Variants in WIPF1 observed in about 807,000 individuals in gnomAD.
WIPF1 encodes the protein WAS/WASL interacting protein family member 1.
Under a neutral mutation model 35.4 loss-of-function variants are expected in WIPF1, and 13 were observed. That is an observed-to-expected ratio of 0.37 (90% CI 0.24 to 0.58). WIPF1 has a LOEUF of 0.58. Among genes scored for constraint, WIPF1 ranks in the 20% least tolerant of loss-of-function variants. WIPF1 has a pLI of 0.74. For missense variants in WIPF1, 591 were observed against 667.0 expected, an observed-to-expected ratio of 0.89 and a Z score of 1.25; for synonymous variants, 267 against 266.3, an observed-to-expected ratio of 1.00 and a Z score of -0.02.
At position 174,614,127 on chromosome 2, in the gene WIPF1, G is replaced by A. The variant is rs554724095; in HGVS notation, c.-38-28516C>T. Among the ~76,000 whole-genome samples the A allele has an allele frequency of 3.3e-5, 5 of 152,260 alleles. No individual in the cohort carries two copies. In the South Asian group the frequency reaches 1.0e-3, roughly 32 times the overall value. On this transcript the variant is annotated intron_variant, in intron 1 of 8. Transcript: ENST00000272746. ...GCCCTACAAATTTCCTAAAAACACA[G>A]TTGCTCCTAAAAGTTAAGAAACGGG...
chr2:174,663,615 C>T (rs966493737), intron 1 of WIPF1, among the ~76,000 whole-genome samples: 7 of 152,162 alleles, frequency 4.6e-5, no homozygotes, highest in African/African-American at 9.7e-5. Flanking sequence ...CCCACTGGCA[C>T]GCCCCTGCCA....
intron 1 of WIPF1, among the ~76,000 whole-genome samples, chr2:174,611,309 A>T (rs556690339): frequency 6.6e-6 from 1 of 152,322 alleles, no homozygotes; most frequent in Middle Eastern, 3.4e-3. Context: ...TGCAAATGGA[A>T]AGGGCTCCAA....
chr2:174,569,083 G>A (rs1684754161), intron 5 of WIPF1, among the ~76,000 whole-genome samples: 2 of 152,114 alleles, frequency 1.3e-5, no homozygotes, highest in African/African-American at 4.8e-5. Flanking sequence ...TAGTAATTAT[G>A]CCTGCTCTTC....
rs753277453 is a variant in WIPF1, at chr2:174,575,286, A to G, written c.276T>C (p.Phe92=). The G allele has an allele frequency of 1.2e-6, 2 of 1,613,880 alleles. No homozygotes were observed. Among genetic ancestry groups the G allele is most frequent in the Admixed American group, 1.7e-5 (1 of 60,012 alleles). Residue 92 remains phenylalanine (F), a synonymous_variant, in exon 4 of 8, where the codon TTT becomes TTC. Coordinates refer to ENST00000679041, the MANE Select transcript of WIPF1 (RefSeq NM_001375834.1). ...GGGGGGGGGS[F]GGGGPPGLGG... is the part of the protein sequence containing the mutation. ...CCAGACCTGGAGGTCCGCCCCCTCCAAAACTTCCACCGCCTCCGCCACCAC... is the reference window on the plus strand; with the variant it reads ...CCAGACCTGGAGGTCCGCCCCCTCCGAAACTTCCACCGCCTCCGCCACCAC...
chr2:174,631,365 GA>G lies in WIPF1; in HGVS notation c.-38-45755del, dbSNP rs141375807. Among the ~76,000 whole-genome samples the G allele has an allele frequency of 7.6e-3, 1,161 of 152,252 alleles. 24 individuals carry two copies. Among genetic ancestry groups the G allele is most frequent in the African/African-American group, 0.027 (1,113 of 41,552 alleles). On this transcript the variant is annotated intron_variant, in intron 1 of 8. Transcript: ENST00000272746. ...CGCTAAGTGAAATAAAGCAGAAACAGAACGACAAATATTATATAATTCTACT... is the reference window on the plus strand; with the variant it reads ...CGCTAAGTGAAATAAAGCAGAAACAGACGACAAATATTATATAATTCTACT...
intron 1 of WIPF1, among the ~76,000 whole-genome samples, chr2:174,668,420 G>A (rs928885836): frequency 3.3e-5 from 5 of 152,154 alleles, no homozygotes; most frequent in African/African-American, 1.2e-4. Context: ...AAAAAAGGGT[G>A]TGCATTTTTC....
At position 174,560,663 on chromosome 2, in the gene WIPF1, G is replaced by A. The variant is rs1356100538; in HGVS notation, c.*1884C>T. On this transcript the variant is annotated 3_prime_UTR_variant, in exon 8 of 8. Transcript: ENST00000679041. ...CTTTGAGTAAAAAGCCCAAATGACT[G>A]TATGGAAGAGAGATGAATGGTAGAG... is the stretch of plus-strand genomic sequence containing the variant. The A allele has an allele frequency of 6.6e-6, 1 of 152,592 alleles. No homozygotes were observed. Among genetic ancestry groups the A allele is most frequent in the African/African-American group, 2.4e-5 (1 of 41,426 alleles). 9.5% of individuals were successfully genotyped at this position (152,592 alleles called of 1,614,324 possible). A position where few individuals can be genotyped will look rare whatever the true frequency, so the allele number is the denominator to read the frequency against.
chr2:174,575,613 C>A (rs896329658), intron 3 of WIPF1, among the ~76,000 whole-genome samples: 3 of 152,244 alleles, frequency 2.0e-5, no homozygotes, highest in Admixed American at 6.5e-5. Context: ...TTTGTCCCCA[C>A]ACTCCCCACT....
chr2:174,660,525 G>A (rs899200674), intron 1 of WIPF1, among the ~76,000 whole-genome samples: 1 of 152,084 alleles, frequency 6.6e-6, no homozygotes, highest in African/African-American at 2.4e-5. Flanking sequence ...CCCTAGGGAG[G>A]GGGGAACAGG....
At chr2:174,618,020 G>A (rs997083993) in intron 1 of WIPF1, among the ~76,000 whole-genome samples, 3 of 152,174 alleles carry the variant, frequency 2.0e-5, no homozygotes, top group Non-Finnish European at 4.4e-5. Flanking sequence ...AAAAGGAATC[G>A]AATTGGTATG....
At chr2:174,594,094 T>C (rs1685720125) in intron 1 of WIPF1, among the ~76,000 whole-genome samples, 1 of 151,932 alleles carries the variant, frequency 6.6e-6, no homozygotes, top group African/African-American at 2.4e-5. Context: ...CAAAATGTAC[T>C]GCTCTTTTCT....
intron 7 of WIPF1, 133 bp from the exon 8 acceptor site, chr2:174,562,735 T>C (rs1386595945): frequency 8.4e-7 from 1 of 1,188,440 alleles, no homozygotes; most frequent in African/African-American, 1.5e-5. Flanking sequence ...CTGGCGTATG[T>C]TGTGGATGAG....
At chr2:174,576,301 CATTTT>C (rs1016144316) in intron 3 of WIPF1, among the ~76,000 whole-genome samples, 2 of 147,734 alleles carry the variant, frequency 1.4e-5, no homozygotes, top group African/African-American at 5.0e-5. Flanking sequence ...CAGTATTTTT[CATTTT>C]ATGTGTTTTT....
chr2:174,560,914 T>G lies in WIPF1; in HGVS notation c.*1633A>C, dbSNP rs15327. ...GTTTCTTGGTAGCATCTCCCAGTAA[T>G]ACATGAATAACATACTGAAACCATG... On this transcript the variant is annotated 3_prime_UTR_variant, in exon 8 of 8. Transcript: ENST00000679041. The G allele has an allele frequency of 6.6e-6, 1 of 152,584 alleles. No homozygotes were observed. The highest frequency in any genetic ancestry group is 1.5e-5 in the Non-Finnish European group (1 of 68,024). The allele number at this position is 152,584 out of a possible 1,614,324, so 9.5% of individuals were successfully genotyped here.
At chr2:174,588,294 A>T (rs751356840) in intron 1 of WIPF1, among the ~76,000 whole-genome samples, 1 of 152,120 alleles carries the variant, frequency 6.6e-6, no homozygotes, top group Non-Finnish European at 1.5e-5. Context: ...ATCCCTCAAG[A>T]CTATTTTGTC....
chr2:174,645,836 AATAATTAGGCCCT>A (rs1283336565), intron 1 of WIPF1, among the ~76,000 whole-genome samples: 1 of 152,202 alleles, frequency 6.6e-6, no homozygotes, highest in African/African-American at 2.4e-5. Flanking sequence ...CTGAATTCCA[AATAATTAGGCCCT>A]ATATTCATCT....
chr2:174,593,520 A>C (rs1685694425), intron 1 of WIPF1, among the ~76,000 whole-genome samples: 1 of 152,192 alleles, frequency 6.6e-6, no homozygotes, highest in African/African-American at 2.4e-5. Flanking sequence ...ATTCCTACTC[A>C]ATTATTCTTG....
intron 1 of WIPF1, among the ~76,000 whole-genome samples, chr2:174,595,109 A>AATATAT (rs1158052520): frequency 1.1e-3 from 63 of 57,690 alleles, no homozygotes; most frequent in African/African-American, 1.9e-3. Flanking sequence ...AAAAAAAAAA[A>AATATAT]ATATATATAT....
In WIPF1 at chr2:174,562,095, G is replaced by GA; in HGVS notation, c.*451dup. The GA allele has an allele frequency of 6.4e-7, 1 of 1,550,614 alleles. No individual in the cohort carries two copies. The highest frequency in any genetic ancestry group is 8.7e-7 in the Non-Finnish European group (1 of 1,146,994). On this transcript the variant is annotated 3_prime_UTR_variant, in exon 8 of 8. Coordinates refer to ENST00000679041, the MANE Select transcript of WIPF1 (RefSeq NM_001375834.1). The stretch of plus-strand genomic sequence containing the variant: ...CATCCTGTGACTGCAAGTTTCCAGT[G>GA]AGCCCTTACTCAGCAGCTTGCTTAG...
Sources: allele counts gnomAD v4.1 joint callset (sites outside exome capture counted in the v4.1 genomes callset), GRCh38; gene constraint gnomAD v4.1.1; transcripts MANE v1.5; gene names NCBI Gene and HGNC (gene_info 2026-07-23, HGNC 2026-07-21).